The following RPS11 variants were observed in gnomAD, a reference collection of about 807,000 sequenced individuals.
RPS11 encodes small ribosomal subunit protein uS17.
For synonymous variants in RPS11, 107 were observed against 78.0 expected, an observed-to-expected ratio of 1.37 and a Z score of -1.96; for missense variants, 127 against 211.4, an observed-to-expected ratio of 0.60 and a Z score of 2.48.
chr19:49,498,315 C>T (rs759365765), intron 4 of RPS11: 15 of 474,538 alleles, frequency 3.2e-5, no homozygotes, highest in Non-Finnish European at 5.8e-5. Flanking sequence ...TAGGTCTAAA[C>T]AAGAAGCTCA....
intron 4 of RPS11, among the ~76,000 whole-genome samples, chr19:49,498,752 CCA>C (rs1332527814): frequency 6.6e-6 from 1 of 151,966 alleles, no homozygotes; most frequent in Admixed American, 6.6e-5. Context: ...CCTGTCTCTC[CCA>C]CACACACACA....
In RPS11 at chr19:49,497,502, T is replaced by C. The variant is rs764654688; in HGVS notation, c.148-18T>C. On this transcript the variant is annotated intron_variant, in intron 2 of 4. Transcript: ENST00000270625. ...CGCCCGCCCAAGGCTCACTCCTTTATCTTTCCTATCCTTTCAGGCTATTGA... is the reference window on the plus strand; with the variant it reads ...CGCCCGCCCAAGGCTCACTCCTTTACCTTTCCTATCCTTTCAGGCTATTGA... 6.2e-7 allele frequency: 1 copy of C among 1,612,996 alleles called. No homozygotes were observed. The highest frequency in any genetic ancestry group is 1.3e-5 in the African/African-American group (1 of 75,006).
intron 4 of RPS11, among the ~76,000 whole-genome samples, chr19:49,498,813 C>G (rs772798703): frequency 3.3e-5 from 5 of 152,110 alleles, no homozygotes; most frequent in African/African-American, 7.2e-5. Flanking sequence ...GGTGCTGAAC[C>G]TGTAATAGGC....
intron 4 of RPS11, 79 bp downstream of exon 4, chr19:49,498,125 A>C: frequency 2.0e-6 from 3 of 1,516,596 alleles, no homozygotes; most frequent in Non-Finnish European, 2.7e-6. Context: ...ATTTAAGGCC[A>C]ACTGAGGGAG....
At chr19:49,497,380 CACG>C (rs1203720511) in intron 2 of RPS11, 55 bp downstream of exon 2, 18 of 1,610,874 alleles carry the variant, frequency 1.1e-5, no homozygotes, top group Admixed American at 1.7e-5. Context: ...CACGTGTGCC[CACG>C]ACGAGTTGCC....
chr19:49,496,494 C>T (rs533944451), intron 1 of RPS11, 23 bp downstream of exon 1: 11 of 1,606,814 alleles, frequency 6.8e-6, no homozygotes, highest in Admixed American at 1.7e-5. Flanking sequence ...GGTTGGATGC[C>T]AGGGTGCGGG....
At chr19:49,497,758 C>T (rs759118499) in intron 3 of RPS11, 159 bp from the exon 4 acceptor site, 13 of 1,176,616 alleles carry the variant, frequency 1.1e-5, no homozygotes, top group Non-Finnish European at 1.7e-5. Context: ...CTTCAGATGC[C>T]CACGTGGGCA....
intron 4 of RPS11, among the ~76,000 whole-genome samples, chr19:49,498,881 T>C (rs1440878785): frequency 6.6e-6 from 1 of 152,332 alleles, no homozygotes; most frequent in South Asian, 2.1e-4. Context: ...TCAGAAATGT[T>C]GGAATTAAAC....
At chr19:49,496,978 GA>G (rs1175841341) in intron 1 of RPS11, among the ~76,000 whole-genome samples, 1 of 152,064 alleles carries the variant, frequency 6.6e-6, no homozygotes, top group Non-Finnish European at 1.5e-5. Flanking sequence ...TATATAAATT[GA>G]AATAACCTCG....
chr19:49,498,212 C>A, intron 4 of RPS11, 166 bp downstream of exon 4: 1 of 716,166 alleles, frequency 1.4e-6, no homozygotes, highest in Non-Finnish European at 2.3e-6. Flanking sequence ...AGAATCAAAG[C>A]GTTCTACAGG....
chr19:49,496,448 G>A lies in RPS11; in HGVS notation c.-9G>A. 1 of 1,612,144 alleles carries A rather than the reference G, an allele frequency of 6.2e-7. No individual in the cohort carries two copies. Among genetic ancestry groups the A allele is most frequent in the Non-Finnish European group, 8.5e-7 (1 of 1,179,212 alleles). ...GCTGCCCCTTTCTTTTTTTCAGGCG[G>A]CCGGGAAGATGGCGGACATTCAGGT... On this transcript the variant is annotated 5_prime_UTR_variant, in exon 1 of 5. Coordinates refer to ENST00000270625, the MANE Select transcript of RPS11 (RefSeq NM_001015.5).
chr19:49,496,580 C>T (rs1274955500), intron 1 of RPS11, 109 bp downstream of exon 1: 9 of 1,199,098 alleles, frequency 7.5e-6, no homozygotes, highest in Non-Finnish European at 1.0e-5. Flanking sequence ...TTCCGGGCGT[C>T]CGTGATTATT....
chr19:49,498,348 C>T (rs2079917872), intron 4 of RPS11: 2 of 394,494 alleles, frequency 5.1e-6, no homozygotes, highest in East Asian at 5.3e-5. Flanking sequence ...ACACCTTATT[C>T]ACATAGCCTG....
chr19:49,497,750 T>C, intron 3 of RPS11, 155 bp downstream of exon 3: 1 of 1,164,102 alleles, frequency 8.6e-7, no homozygotes, highest in South Asian at 1.2e-5. Flanking sequence ...ACGATGGTCT[T>C]CAGATGCCCA....
chr19:49,498,863 T>C (rs1013433789), intron 4 of RPS11, among the ~76,000 whole-genome samples: 2 of 152,166 alleles, frequency 1.3e-5, no homozygotes, highest in Non-Finnish European at 2.9e-5. Flanking sequence ...TCATACCAGA[T>C]GGGAACCTCA....
rs755397540 is a variant in RPS11 at position 49,496,490 on chromosome 19, A to G, written c.15+19A>G. ...CATTCAGGTGCGGACTCGGGGTTGGATGCCAGGGTGCGGGGTCCGCCTTGG... is the reference window on the plus strand; with the variant it reads ...CATTCAGGTGCGGACTCGGGGTTGGGTGCCAGGGTGCGGGGTCCGCCTTGG... On this transcript the variant is annotated intron_variant, in intron 1 of 4. Transcript: ENST00000270625. The G allele has an allele frequency of 5.0e-6, 8 of 1,607,948 alleles. No homozygotes were observed.
Position 49,497,922 on chromosome 19 carries a change from G to A in RPS11, c.229G>A (p.Val77Met), listed in dbSNP as rs1474927970. The change falls in exon 4 of 5, where the codon GTG becomes ATG. Residue 77 changes from valine to methionine, a missense_variant. By Grantham distance (21) the Val-to-Met change is conservative. Transcript: ENST00000270625. ...TGATCGGCCCCCGCTCCTAGGCGTG[G>A]TGACCAAGATGAAGATGCAGAGGAC... is the stretch of plus-strand genomic sequence containing the variant. ...SIRGRILSGV[V>M]TKMKMQRTIV... 6.2e-7 allele frequency: 1 copy of A among 1,613,992 alleles called. No individual in the cohort carries two copies. The highest frequency in any genetic ancestry group is 8.5e-7 in the Non-Finnish European group (1 of 1,180,030).
At chr19:49,497,412 C>T (rs2079912066) in intron 2 of RPS11, 87 bp downstream of exon 2, 5 of 1,598,786 alleles carry the variant, frequency 3.1e-6, no homozygotes, top group African/African-American at 2.7e-5. Flanking sequence ...ATCTAAGTGG[C>T]TTCTGGGGCT....
intron 3 of RPS11, 23 bp from the exon 4 acceptor site, chr19:49,497,894 C>T: frequency 6.2e-7 from 1 of 1,614,052 alleles, no homozygotes; most frequent in East Asian, 2.2e-5. Flanking sequence ...GGGACCTGAC[C>T]TATGATCGGC....
Sources: gnomAD v4.1 joint callset for allele counts (sites outside exome capture counted in the v4.1 genomes callset) on GRCh38, gnomAD v4.1.1 for gene constraint, MANE v1.5 for transcripts, NCBI Gene and HGNC (gene_info 2026-07-23, HGNC 2026-07-21) for gene names.